The following OR9Q1 variants were observed in gnomAD, a reference collection of about 807,000 sequenced individuals.
The protein encoded by OR9Q1 is olfactory receptor family 9 subfamily Q member 1.
For missense variants in OR9Q1, 374 were observed against 378.8 expected, an observed-to-expected ratio of 0.99 and a Z score of 0.11; for synonymous variants, 153 against 148.6, an observed-to-expected ratio of 1.03 and a Z score of -0.22.
At chr11:58,069,753 C>T (rs777058261) in intron 2 of OR9Q1, among the ~76,000 whole-genome samples, 5 of 151,754 alleles carry the variant, frequency 3.3e-5, no homozygotes, top group African/African-American at 4.8e-5. Flanking sequence ...TGCCTGTAGT[C>T]CTAGCTACGG....
intron 2 of OR9Q1, among the ~76,000 whole-genome samples, chr11:58,058,659 T>C (rs931444319): frequency 6.6e-6 from 1 of 152,148 alleles, no homozygotes; most frequent in East Asian, 1.9e-4. Flanking sequence ...ACAATGACGG[T>C]GGCAGCAGGG....
rs535932342 is a variant in OR9Q1 at position 58,136,173 on chromosome 11, A to C, written c.-14-43258A>C. ...ATCATAGGTAACTAATGTGGGGGAA[A>C]GATAACCCAGAGTTACAGACATCCA... On this transcript the variant is annotated intron_variant, in intron 2 of 2. Coordinates refer to ENST00000335397, the MANE Select transcript of OR9Q1 (RefSeq NM_001005212.4). Among the ~76,000 whole-genome samples the C allele has an allele frequency of 2.6e-5, 4 of 152,308 alleles. 1 individual carries two copies. Among genetic ancestry groups the C allele is most frequent in the African/African-American group, 7.2e-5 (3 of 41,574 alleles).
intron 2 of OR9Q1, among the ~76,000 whole-genome samples, chr11:58,098,108 C>T (rs1249390140): frequency 6.6e-6 from 1 of 152,164 alleles, no homozygotes; most frequent in African/African-American, 2.4e-5. Context: ...TTGAACATTG[C>T]TCTTTCCTCT....
chr11:58,111,607 G>A (rs1347912388), intron 2 of OR9Q1, among the ~76,000 whole-genome samples: 3 of 152,060 alleles, frequency 2.0e-5, no homozygotes, highest in Admixed American at 6.5e-5. Flanking sequence ...AAATTAGAAC[G>A]TTGAAGGTAT....
chr11:58,085,342 G>A (rs1031061382), intron 2 of OR9Q1, among the ~76,000 whole-genome samples: 1 of 151,768 alleles, frequency 6.6e-6, no homozygotes. Context: ...GGCAATCAAT[G>A]TATTAATCAT....
At chr11:58,107,393 A>C (rs2120099773) in intron 2 of OR9Q1, among the ~76,000 whole-genome samples, 1 of 152,306 alleles carries the variant, frequency 6.6e-6, no homozygotes. Flanking sequence ...TAGTTTGCTC[A>C]GAATGATGGT....
At chr11:58,147,464 C>T (rs1202411518) in intron 2 of OR9Q1, among the ~76,000 whole-genome samples, 1 of 152,122 alleles carries the variant, frequency 6.6e-6, no homozygotes, top group Non-Finnish European at 1.5e-5. Flanking sequence ...GAAAAGTCTT[C>T]AAATGTAAAA....
intron 2 of OR9Q1, chr11:58,073,266 TG>T: frequency 5.0e-6 from 1 of 198,870 alleles, no homozygotes. Context: ...TGTCCATCTG[TG>T]ATCTATCTAC....
intron 2 of OR9Q1, among the ~76,000 whole-genome samples, chr11:58,108,433 T>C (rs1853863834): frequency 6.6e-6 from 1 of 152,172 alleles, no homozygotes; most frequent in Non-Finnish European, 1.5e-5. Context: ...ATGACTATGC[T>C]ACTTTTTATC....
chr11:58,121,398 C>T (rs1854031130), intron 2 of OR9Q1, among the ~76,000 whole-genome samples: 1 of 151,966 alleles, frequency 6.6e-6, no homozygotes, highest in Admixed American at 6.6e-5. Flanking sequence ...TCTTTTTTTT[C>T]CCAAAGTCAT....
chr11:58,080,050 G>C (rs189391430), intron 2 of OR9Q1, among the ~76,000 whole-genome samples: 2 of 151,982 alleles, frequency 1.3e-5, no homozygotes, highest in Non-Finnish European at 2.9e-5. Flanking sequence ...TTTTAGATAC[G>C]GGGGTACATG....
intron 2 of OR9Q1, among the ~76,000 whole-genome samples, chr11:58,177,337 G>T (rs573002135): frequency 2.2e-3 from 341 of 152,292 alleles, no homozygotes; most frequent in Middle Eastern, 0.014. Context: ...GTACAGTTTT[G>T]TTTCTAATGG....
intron 2 of OR9Q1, among the ~76,000 whole-genome samples, chr11:58,094,053 T>C (rs1853708712): frequency 6.6e-6 from 1 of 152,140 alleles, no homozygotes; most frequent in African/African-American, 2.4e-5. Flanking sequence ...TAAGTGTTCA[T>C]TGACATATGA....
At chr11:58,172,765 G>A (rs918324394) in intron 2 of OR9Q1, among the ~76,000 whole-genome samples, 1 of 152,060 alleles carries the variant, frequency 6.6e-6, no homozygotes, top group Non-Finnish European at 1.5e-5. Context: ...TAATAATCAC[G>A]TCAGGGTAAA....
At chr11:58,178,904 ATATATATTATATATT>A (rs58480276) in intron 2 of OR9Q1, among the ~76,000 whole-genome samples, 71 of 137,784 alleles carry the variant, frequency 5.2e-4, no homozygotes, top group Non-Finnish European at 6.8e-4. Context: ...TTTATATATT[ATATATATTATATATT>A]TATATATTAT....
At chr11:58,118,467 G>A in intron 2 of OR9Q1, 1 of 1,397,298 alleles carries the variant, frequency 7.2e-7, no homozygotes, top group Non-Finnish European at 9.8e-7. Flanking sequence ...TGGGAAGAAA[G>A]TGGACTAAAA....
chr11:58,060,630 G>A (rs1853371331), intron 2 of OR9Q1, among the ~76,000 whole-genome samples: 1 of 152,180 alleles, frequency 6.6e-6, no homozygotes, highest in African/African-American at 2.4e-5. Flanking sequence ...CTATGGTCAG[G>A]AGTTCGAGAC....
chr11:58,056,353 C>T (rs1478916195), intron 2 of OR9Q1, among the ~76,000 whole-genome samples: 2 of 152,192 alleles, frequency 1.3e-5, no homozygotes, highest in African/African-American at 2.4e-5. Flanking sequence ...CTGTCATCAT[C>T]TCCCTTCCTT....
chr11:58,166,333 C>T lies in OR9Q1; in HGVS notation c.-14-13098C>T, dbSNP rs561864182. On this transcript the variant is annotated intron_variant, in intron 2 of 2. Transcript: ENST00000335397. ...ACCTCTGTTTCCCAATCTTCTCGCCCAGAAGTAACTCCTATTAGTTTCGTA... is the reference window on the plus strand; with the variant it reads ...ACCTCTGTTTCCCAATCTTCTCGCCTAGAAGTAACTCCTATTAGTTTCGTA... Among the ~76,000 whole-genome samples the T allele has an allele frequency of 3.9e-3, 587 of 152,248 alleles. 4 individuals are homozygous for T. Among genetic ancestry groups the T allele is most frequent in the Non-Finnish European group, 5.6e-3 (378 of 68,010 alleles).
Sources: gnomAD v4.1 joint callset for allele counts (sites outside exome capture counted in the v4.1 genomes callset) on GRCh38, gnomAD v4.1.1 for gene constraint, MANE v1.5 for transcripts, NCBI Gene and HGNC (gene_info 2026-07-23, HGNC 2026-07-21) for gene names.